The following LAMA2 variants were observed in gnomAD, a reference collection of about 807,000 sequenced individuals.
LAMA2 encodes laminin subunit alpha-2.
Under a neutral mutation model 364.8 loss-of-function variants are expected in LAMA2, and 269 were observed. The observed-to-expected ratio is 0.74, with a 90% CI of 0.67 to 0.82. LAMA2 has a LOEUF of 0.82. Among genes scored for constraint, LAMA2 ranks in the 40% least tolerant of loss-of-function variants. LAMA2 has a pLI of 0.00. For synonymous variants in LAMA2, 1,379 were observed against 1,370.6 expected, an observed-to-expected ratio of 1.01 and a Z score of -0.14; for missense variants, 3,807 against 3,873.2, an observed-to-expected ratio of 0.98 and a Z score of 0.45.
chr6:129,496,323 C>G (rs531559155), intron 58 of LAMA2, among the ~76,000 whole-genome samples: 3 of 152,226 alleles, frequency 2.0e-5, no homozygotes, highest in Admixed American at 1.3e-4. Context: ...TGCACCACCA[C>G]TCTTGGCTAA....
intron 1 of LAMA2, among the ~76,000 whole-genome samples, chr6:128,955,703 C>G (rs1436855874): frequency 6.6e-6 from 1 of 151,870 alleles, no homozygotes; most frequent in Non-Finnish European, 1.5e-5. Flanking sequence ...TATCATTGGT[C>G]AATACATCAC....
intron 34 of LAMA2, among the ~76,000 whole-genome samples, chr6:129,380,584 C>A (rs892834954): frequency 4.6e-5 from 7 of 152,060 alleles, no homozygotes; most frequent in South Asian, 2.1e-4. Context: ...CTGGGAATGG[C>A]CACGCTAAGG....
At chr6:129,399,541 T>C (rs1779845753) in intron 37 of LAMA2, among the ~76,000 whole-genome samples, 1 of 152,210 alleles carries the variant, frequency 6.6e-6, no homozygotes, top group Non-Finnish European at 1.5e-5. Flanking sequence ...AGCAGAGCTG[T>C]GATCCCAAAC....
intron 1 of LAMA2, among the ~76,000 whole-genome samples, chr6:128,995,427 T>C (rs1370665018): frequency 6.6e-6 from 1 of 152,226 alleles, no homozygotes; most frequent in Non-Finnish European, 1.5e-5. Context: ...GTTCAAGCAC[T>C]TCTCCTGCTT....
In LAMA2 at chr6:129,309,325, G is replaced by A. The variant is rs1774067133; in HGVS notation, c.3175-3536G>A. Among the ~76,000 whole-genome samples, 3 of 152,170 alleles carry A rather than the reference G, an allele frequency of 2.0e-5. No individual in the cohort carries two copies. In the South Asian group the frequency reaches 6.2e-4, roughly 32 times the overall value. ...ATTTAAATTTGATGATGGCCATAGT[G>A]CTATCTAAACACATGGTTAATGGTC... On this transcript the variant is annotated intron_variant, in intron 22 of 64. Coordinates refer to ENST00000421865, the MANE Select transcript of LAMA2 (RefSeq NM_000426.4).
intron 8 of LAMA2, among the ~76,000 whole-genome samples, chr6:129,155,367 T>C (rs942808182): frequency 3.3e-5 from 5 of 152,136 alleles, no homozygotes; most frequent in Non-Finnish European, 5.9e-5. Context: ...TTATATGAGT[T>C]TCAGTCATTC....
rs768688454 is a variant in LAMA2, at chr6:129,440,881, G to A, written c.6151G>A (p.Val2051Ile). The A allele has an allele frequency of 1.4e-5, 23 of 1,613,868 alleles. No individual in the cohort carries two copies. Among genetic ancestry groups the A allele is most frequent in the Non-Finnish European group, 1.8e-5 (21 of 1,179,920 alleles). Residue 2051 changes from valine (V) to isoleucine (I), a missense_variant, in exon 43 of 65, where the codon GTA (valine) becomes ATA (isoleucine). By Grantham distance (29) the Val-to-Ile change is conservative. Coordinates refer to ENST00000421865, the MANE Select transcript of LAMA2 (RefSeq NM_000426.4). ...ARQANDTAKD[V>I]LAQITELHQN... is the part of the protein sequence containing the mutation. ...ACAAGCCAACGACACAGCTAAAGAT[G>A]TACTGGCACAGATTACAGAGCTCCA...
chr6:129,367,791 A>G (rs1777858208), intron 33 of LAMA2, among the ~76,000 whole-genome samples: 1 of 152,240 alleles, frequency 6.6e-6, no homozygotes, highest in Non-Finnish European at 1.5e-5. Context: ...ATTACCATAC[A>G]TAGCTTTTAC....
chr6:129,042,414 T>C (rs1355975641), intron 1 of LAMA2, among the ~76,000 whole-genome samples: 1 of 152,102 alleles, frequency 6.6e-6, no homozygotes, highest in East Asian at 1.9e-4. Flanking sequence ...CATAAATCCA[T>C]TTTATCTTTT....
chr6:129,142,087 A>T (rs11758207), intron 4 of LAMA2, among the ~76,000 whole-genome samples: 35,203 of 151,884 alleles, frequency 0.23, 4,437 homozygotes, highest in African/African-American at 0.34. Flanking sequence ...CATTATGCAG[A>T]TATACAATTT....
chr6:129,189,795 A>G (rs1781426931), intron 10 of LAMA2, among the ~76,000 whole-genome samples: 1 of 152,172 alleles, frequency 6.6e-6, no homozygotes, highest in Non-Finnish European at 1.5e-5. Context: ...CTTTAATTTT[A>G]CCATGAAATT....
At chr6:129,105,630 T>C (rs1775776684) in intron 4 of LAMA2, among the ~76,000 whole-genome samples, 1 of 152,198 alleles carries the variant, frequency 6.6e-6, no homozygotes, top group Non-Finnish European at 1.5e-5. Context: ...TCATTCTAAC[T>C]ACTTCCAACT....
At chr6:128,989,121 G>A (rs973945939) in intron 1 of LAMA2, among the ~76,000 whole-genome samples, 1 of 152,062 alleles carries the variant, frequency 6.6e-6, no homozygotes, top group Non-Finnish European at 1.5e-5. Context: ...CACAAATATT[G>A]ATACTTTAAT....
chr6:129,243,864 GAA>G (rs1785558316), intron 12 of LAMA2, among the ~76,000 whole-genome samples: 3 of 151,432 alleles, frequency 2.0e-5, no homozygotes, highest in Non-Finnish European at 2.9e-5. Flanking sequence ...AAAAGAAGAA[GAA>G]GAAGGAGGAG....
At position 129,408,299 on chromosome 6, in the gene LAMA2, T is replaced by C. The variant is rs1470199672; in HGVS notation, c.5865+4340T>C. ...AGTCCGGCAAAGTATTGTCACCTAG[T>C]TGGCATTGTAATTATGACTTCAAAA... On this transcript the variant is annotated intron_variant, in intron 40 of 64. Transcript: ENST00000421865. Among the ~76,000 whole-genome samples the C allele has an allele frequency of 2.0e-5, 3 of 152,192 alleles. No homozygotes were observed. In the East Asian group the frequency reaches 5.8e-4, roughly 29 times the overall value.
intron 1 of LAMA2, among the ~76,000 whole-genome samples, chr6:128,907,661 C>T (rs1777579850): frequency 1.3e-5 from 2 of 152,062 alleles, no homozygotes; most frequent in African/African-American, 4.8e-5. Context: ...GCCAGAACTT[C>T]CAACACTATA....
chr6:129,086,678 C>G (rs965009991), intron 3 of LAMA2, among the ~76,000 whole-genome samples: 8 of 152,204 alleles, frequency 5.3e-5, no homozygotes, highest in Non-Finnish European at 1.2e-4. Flanking sequence ...TGAAGTAGCA[C>G]AAATTACCTA....
chr6:129,279,866 T>C (rs546454500), intron 17 of LAMA2, among the ~76,000 whole-genome samples, 195 bp from the exon 18 acceptor site: 7 of 152,306 alleles, frequency 4.6e-5, no homozygotes, highest in African/African-American at 1.7e-4. Flanking sequence ...CACTGGGCTA[T>C]ATTCACGTCT....
At chr6:129,457,892 T>C (rs1242451217) in intron 48 of LAMA2, among the ~76,000 whole-genome samples, 1 of 152,056 alleles carries the variant, frequency 6.6e-6, no homozygotes, top group African/African-American at 2.4e-5. Context: ...ACAAGCTCCT[T>C]TGGACCTATT....
Sources: gnomAD v4.1 joint callset for allele counts (sites outside exome capture counted in the v4.1 genomes callset) on GRCh38, gnomAD v4.1.1 for gene constraint, MANE v1.5 for transcripts, NCBI Gene and HGNC (gene_info 2026-07-23, HGNC 2026-07-21) for gene names.